Variants in FHIP1B observed in about 807,000 individuals in gnomAD.
The protein encoded by FHIP1B is FHF complex subunit HOOK interacting protein 1B, also known as FHF complex subunit HOOK-interacting protein 1B.
Under a neutral mutation model 82.2 loss-of-function variants are expected in FHIP1B, and 28 were observed. The observed-to-expected ratio is 0.34, with a 90% CI of 0.25 to 0.47. The LOEUF is 0.47. Ranked by LOEUF, FHIP1B falls within the 20% of genes least tolerant of loss-of-function variation. The probability of loss-of-function intolerance (pLI) is 1.00; values close to 1 mark genes in which losing one functional copy is unlikely to be tolerated. For missense variants in FHIP1B, 1,110 were observed against 1,262.6 expected (o/e 0.88, Z 1.83); for synonymous variants, 585 against 516.1 (o/e 1.13, Z -1.81).
intron 11 of FHIP1B, among the ~76,000 whole-genome samples, chr11:6,213,536 T>G (rs1482280294): frequency 6.6e-6 from 1 of 152,228 alleles, no homozygotes; most frequent in Admixed American, 6.5e-5. Context: ...AGATTGTACA[T>G]TCTTTGAAGG....
At position 6,223,287 on chromosome 11, in the gene FHIP1B, T is replaced by A. The variant is rs764845627; in HGVS notation, c.778-49A>T. 3 of 1,542,502 alleles carry A rather than the reference T, an allele frequency of 1.9e-6. No individual in the cohort carries two copies. The highest frequency in any genetic ancestry group is 2.6e-6 in the Non-Finnish European group (3 of 1,146,278). On this transcript the variant is annotated intron_variant, in intron 3 of 11. Coordinates refer to ENST00000449352, the MANE Select transcript of FHIP1B (RefSeq NM_001098794.2). This position sits in a 1 kb window ranked among gnomAD's most constrained non-coding sequence, Gnocchi z 4.8. ...ATATATAAAATACATTTATAAAATA[T>A]AAAAACTGGAACAGGGGAGCTAGTA...
Position 6,218,013 on chromosome 11 carries a change from C to T in FHIP1B, c.1573G>A (p.Gly525Arg). 6.2e-7 allele frequency: 1 copy of T among 1,613,598 alleles called. No homozygotes were observed. The highest frequency in any genetic ancestry group is 1.1e-5 in the South Asian group (1 of 91,068). Reference sequence around the variant, plus strand: ...CTGGAGGCGGGGGATGCAGAAAGCCCTGGTGAGCAAGGGGCTGGGCCTGGA... The same window carrying T: ...CTGGAGGCGGGGGATGCAGAAAGCCTTGGTGAGCAAGGGGCTGGGCCTGGA... ...ESPGPAPCSP[G>R]LSASPASSPG... The change falls in exon 9 of 12, where the codon GGG (glycine) becomes AGG (arginine). Residue 525 changes from glycine to arginine, a missense_variant. Around this residue, in one of 6 missense-constraint regions of FHIP1B, gnomAD observed 418 missense variants for 371.4 expected, o/e 1.13. Transcript: ENST00000449352.
chr11:6,212,685 C>T (rs1847106220), intron 11 of FHIP1B, among the ~76,000 whole-genome samples: 1 of 152,182 alleles, frequency 6.6e-6, no homozygotes, highest in Admixed American at 6.5e-5. Flanking sequence ...AATAACAATT[C>T]CCATTTCCTA....
At chr11:6,212,109 T>G (rs1847090336) in intron 11 of FHIP1B, 1 of 305,960 alleles carries the variant, frequency 3.3e-6, no homozygotes, top group Non-Finnish European at 4.8e-6. Context: ...AAATACTGCC[T>G]GCCCAGCCTT....
intron 1 of FHIP1B, among the ~76,000 whole-genome samples, chr11:6,224,980 T>A (rs1156863089): frequency 2.0e-5 from 3 of 152,200 alleles, no homozygotes. Context: ...TTTCCTTACT[T>A]CCAATATCCA....
At chr11:6,220,611 C>A (rs1847380357) in intron 6 of FHIP1B, among the ~76,000 whole-genome samples, 1 of 152,162 alleles carries the variant, frequency 6.6e-6, no homozygotes, top group South Asian at 2.1e-4. Flanking sequence ...AAAGCATCTA[C>A]ATGTTTAACA....
chr11:6,222,613 C>T lies in FHIP1B; in HGVS notation c.1024-4G>A, dbSNP rs3750946. 6.2e-7 allele frequency: 1 copy of T among 1,612,550 alleles called. No homozygotes were observed. Among genetic ancestry groups the T allele is most frequent in the Admixed American group, 1.7e-5 (1 of 59,904 alleles). ...CGATCATCTCCTCCACAGAGGTCTG[C>T]ACAAAAAGAAGGGAAAGTCTGGAAA... On this transcript the variant is annotated splice_region_variant and splice_polypyrimidine_tract_variant and intron_variant, in intron 5 of 11. Coordinates refer to ENST00000449352, the MANE Select transcript of FHIP1B (RefSeq NM_001098794.2).
intron 1 of FHIP1B, among the ~76,000 whole-genome samples, chr11:6,231,999 G>A (rs1337598552): frequency 1.3e-5 from 2 of 152,138 alleles, no homozygotes; most frequent in East Asian, 1.9e-4. Context: ...ATGAATAAAC[G>A]AATTCATTCT....
In FHIP1B at chr11:6,217,734, CCCTCCTCCCCAGCTCTT is replaced by C; in HGVS notation, c.1835_1851del (p.Glu612GlyfsTer27). ...CCCTCCCCTGCACCCCCAGCCCGCC[CCCTCCTCCCCAGCTCTT>C]CCTCCTCCCCTTCCCCCACGTTGTT... On this transcript the variant is annotated frameshift_variant, in exon 9 of 12. Transcript: ENST00000449352. LOFTEE classifies it high-confidence loss of function. The C allele has an allele frequency of 6.2e-7, 1 of 1,605,320 alleles. No individual in the cohort carries two copies. The highest frequency in any genetic ancestry group is 8.5e-7 in the Non-Finnish European group (1 of 1,175,510).
chr11:6,213,635 G>A (rs1251586350), intron 11 of FHIP1B, among the ~76,000 whole-genome samples: 5 of 152,148 alleles, frequency 3.3e-5, no homozygotes, highest in East Asian at 1.9e-4. Flanking sequence ...CCTGTTAAGC[G>A]AAAAGTCTAG....
intron 1 of FHIP1B, among the ~76,000 whole-genome samples, chr11:6,225,420 T>C (rs1316288701): frequency 6.6e-6 from 1 of 152,198 alleles, no homozygotes; most frequent in Non-Finnish European, 1.5e-5. Flanking sequence ...AACAATTCTA[T>C]CTAAATAGCA....
intron 11 of FHIP1B, among the ~76,000 whole-genome samples, chr11:6,212,677 T>C (rs1847105862): frequency 6.6e-6 from 1 of 152,198 alleles, no homozygotes; most frequent in African/African-American, 2.4e-5. Flanking sequence ...TAGATCATAA[T>C]AACAATTCCC....
At position 6,223,129 on chromosome 11, in the gene FHIP1B, G is replaced by C; in HGVS notation, c.887C>G (p.Ala296Gly). 1.2e-6 allele frequency: 2 copies of C among 1,600,482 alleles called. No individual in the cohort carries two copies. Among genetic ancestry groups the C allele is most frequent in the Non-Finnish European group, 1.7e-6 (2 of 1,176,576 alleles). ...LRREDWLGVPALALFMSSLEF... is the reference protein window; with the variant it reads ...LRREDWLGVPGLALFMSSLEF... ...CAGGGAACTCATGAAGAGTGCAAGG[G>C]CTGGCACTCCCAGCCAGTCTTCCCG... Residue 296 changes from alanine (A) to glycine (G), a missense_variant, in exon 4 of 12, where the codon GCC becomes GGC. Physicochemically the swap from Ala to Gly is moderately conservative, Grantham distance 60. Around this residue, in one of 6 missense-constraint regions of FHIP1B, gnomAD observed 467 missense variants for 602.9 expected, o/e 0.77. Transcript: ENST00000449352. The surrounding 1 kb of genome is among the most constrained non-coding windows in gnomAD (Gnocchi z 4.8).
Position 6,221,077 on chromosome 11 carries a change from T to C in FHIP1B, c.1191+1365A>G, listed in dbSNP as rs181211272. On this transcript the variant is annotated intron_variant, in intron 6 of 11. Transcript: ENST00000449352. Reference sequence around the variant, plus strand: ...AATCTGAGGTAGAGCTCAGAATCTGTTGTAGTTGTTAGTTGTCATCTTCAA... The same window carrying C: ...AATCTGAGGTAGAGCTCAGAATCTGCTGTAGTTGTTAGTTGTCATCTTCAA... Among the ~76,000 whole-genome samples, 17 of 152,316 alleles carry C rather than the reference T, an allele frequency of 1.1e-4. No individual in the cohort carries two copies. In the East Asian group the frequency reaches 1.7e-3, roughly 16 times the overall value.
In FHIP1B at chr11:6,222,657, A is replaced by C. The variant is rs562116597; in HGVS notation, c.1024-48T>G. 5.7e-6 allele frequency: 9 copies of C among 1,592,822 alleles called. No homozygotes were observed. Among genetic ancestry groups the C allele is most frequent in the Non-Finnish European group, 7.7e-6 (9 of 1,161,404 alleles). On this transcript the variant is annotated intron_variant, in intron 5 of 11. Transcript: ENST00000449352. ...CTGGAAATGCACAGCTTCCCTGCAC[A>C]TACAGGGCCATTTTCCCTGGATTCT...
rs112171346 is a variant in FHIP1B at position 6,218,126 on chromosome 11, G to A, written c.1460C>T (p.Ser487Phe). 2 of 1,612,548 alleles carry A rather than the reference G, an allele frequency of 1.2e-6. No individual in the cohort carries two copies. The highest frequency in any genetic ancestry group is 1.7e-6 in the Non-Finnish European group (2 of 1,179,164). Reference protein sequence around the residue: ...ARGPGSPSVDSSSVTTVPRPS... With the variant: ...ARGPGSPSVDFSSVTTVPRPS... The stretch of plus-strand genomic sequence containing the variant: ...CCGGGGTACTGTCGTCACAGAAGAG[G>A]AGTCCACACTTGGGCTTCCAGGACC... The change falls in exon 9 of 12, where the codon TCC becomes TTC. Residue 487 changes from serine (S) to phenylalanine (F), a missense_variant. Physicochemically the swap from Ser to Phe is radical, Grantham distance 155. Around this residue, in one of 6 missense-constraint regions of FHIP1B, gnomAD observed 418 missense variants for 371.4 expected, o/e 1.13. Transcript: ENST00000449352.
At chr11:6,226,439 G>A (rs541349605) in intron 1 of FHIP1B, among the ~76,000 whole-genome samples, 2 of 152,326 alleles carry the variant, frequency 1.3e-5, no homozygotes, top group South Asian at 2.1e-4. Context: ...ATTGTAAATA[G>A]AAGTATTTAT....
At chr11:6,230,676 ACTC>A (rs1276695109) in intron 1 of FHIP1B, among the ~76,000 whole-genome samples, 2 of 151,910 alleles carry the variant, frequency 1.3e-5, no homozygotes, top group African/African-American at 4.8e-5. Flanking sequence ...TTCTACAGTG[ACTC>A]CTCTTTACAG....
intron 8 of FHIP1B, 137 bp from the exon 9 acceptor site, chr11:6,218,287 C>T (rs1239068671): frequency 1.6e-6 from 2 of 1,274,446 alleles, no homozygotes; most frequent in African/African-American, 1.5e-5. Context: ...ACTCTCCAAC[C>T]TCCTAATTAA....
Sources: gnomAD v4.1 joint callset for allele counts (sites outside exome capture counted in the v4.1 genomes callset) on GRCh38, gnomAD v4.1.1 for gene constraint, gnomAD v4.1.1 regional missense constraint, Gnocchi (gnomAD v3.1) non-coding constraint, MANE v1.5 for transcripts, NCBI Gene and HGNC (gene_info 2026-07-23, HGNC 2026-07-21) for gene names.